TRPM8: variants seen among roughly 807,000 people sequenced by gnomAD.
The protein encoded by TRPM8 is transient receptor potential cation channel subfamily M member 8.
TRPM8 carries 110 observed loss-of-function variants against 133.7 expected under a neutral mutation model. The ratio of observed to expected loss-of-function variants is 0.82; its 90% CI spans 0.70 to 0.96. The LOEUF is 0.96. Among genes scored for constraint, TRPM8 ranks in the 40% least tolerant of loss-of-function variants. The pLI, the probability that TRPM8 is intolerant of heterozygous loss-of-function variation, is 0.00. For synonymous variants in TRPM8, 535 were observed against 532.3 expected (o/e 1.01, Z -0.07); for missense variants, 1,291 against 1,379.5 (o/e 0.94, Z 1.02).
intron 8 of TRPM8, among the ~76,000 whole-genome samples, chr2:233,948,814 C>T (rs28902477): frequency 2.6e-5 from 4 of 152,186 alleles, no homozygotes; most frequent in African/African-American, 9.7e-5. Context: ...GGGTGGATCA[C>T]CTGAGGTCAG....
intron 8 of TRPM8, among the ~76,000 whole-genome samples, chr2:233,948,312 G>A (rs1182366735): frequency 2.6e-5 from 4 of 152,300 alleles, no homozygotes; most frequent in Admixed American, 2.6e-4. Context: ...CATTAAAATA[G>A]AGATTTTTTT....
intron 1 of TRPM8, 131 bp from the exon 2 acceptor site, chr2:233,926,402 C>T (rs753665219): frequency 8.1e-5 from 57 of 700,152 alleles, no homozygotes; most frequent in Non-Finnish European, 8.7e-5. Context: ...CATGGTGGGC[C>T]GAATGGAGCA....
chr2:233,983,918 T>G (rs1040631153), intron 20 of TRPM8, among the ~76,000 whole-genome samples: 2 of 152,160 alleles, frequency 1.3e-5, no homozygotes, highest in African/African-American at 4.8e-5. Context: ...CTCCTGGCCT[T>G]GTAAGTCTCT....
intron 20 of TRPM8, among the ~76,000 whole-genome samples, chr2:233,985,165 C>T (rs1692114998): frequency 6.6e-6 from 1 of 152,204 alleles, no homozygotes; most frequent in South Asian, 2.1e-4. Context: ...GTTTACAACC[C>T]CCACCACGGG....
intron 16 of TRPM8, 144 bp downstream of exon 16, chr2:233,969,951 C>T (rs2125222853): frequency 1.4e-6 from 1 of 712,350 alleles, no homozygotes. Flanking sequence ...GGTCTTGTTT[C>T]TCCCCTGACT....
chr2:233,950,560 G>A (rs1395161288), intron 9 of TRPM8, among the ~76,000 whole-genome samples: 2 of 152,198 alleles, frequency 1.3e-5, no homozygotes, highest in Non-Finnish European at 2.9e-5. Flanking sequence ...CATATGCTAA[G>A]TCTCAGAATA....
intron 12 of TRPM8, among the ~76,000 whole-genome samples, chr2:233,962,838 G>C (rs1691473179): frequency 6.6e-6 from 1 of 152,166 alleles, no homozygotes; most frequent in Non-Finnish European, 1.5e-5. Flanking sequence ...CTAATTGATA[G>C]GTTAGGCATC....
chr2:233,974,735 C>T (rs1467823098), intron 17 of TRPM8, among the ~76,000 whole-genome samples: 5 of 152,076 alleles, frequency 3.3e-5, no homozygotes, highest in East Asian at 1.9e-4. Flanking sequence ...AGAGGCACGG[C>T]ATCTGTAGGA....
chr2:233,987,666 C>T lies in TRPM8; in HGVS notation c.2939+1801C>T, dbSNP rs368114806. 1.8e-3 allele frequency among the ~76,000 whole-genome samples: 273 copies of T among 152,268 alleles called. 2 individuals carry two copies. The highest frequency in any genetic ancestry group is 6.8e-3 in the Middle Eastern group (2 of 294). ...AAAAGTGATGTTTCTAAAACATCAC[C>T]GATGTAGTTTGGCTGTGTCCCCACC... On this transcript the variant is annotated intron_variant, in intron 21 of 25. Transcript: ENST00000324695.
At chr2:233,970,065 G>A in intron 16 of TRPM8, 145 bp from the exon 17 acceptor site, 1 of 792,812 alleles carries the variant, frequency 1.3e-6, no homozygotes, top group South Asian at 1.6e-5. Context: ...TTTAATTGGG[G>A]TTGGTTCCAT....
In TRPM8 at chr2:233,966,246, TC is replaced by T. The variant is rs1177368429; in HGVS notation, c.1880-363del. On this transcript the variant is annotated intron_variant, in intron 14 of 25. Transcript: ENST00000324695. ...AAGGGCTGCTCTGATTACGGGGGGGTCGGGGGGCGGCGGTGGGGAGGTGCAG... is the reference window on the plus strand; with the variant it reads ...AAGGGCTGCTCTGATTACGGGGGGGTGGGGGGCGGCGGTGGGGAGGTGCAG... The T allele has an allele frequency of 4.7e-4, 48 of 102,536 alleles. 1 individual carries two copies. The highest frequency in any genetic ancestry group is 6.9e-4 in the Non-Finnish European group (34 of 49,372). The allele number at this position is 102,536 out of a possible 1,614,324, so 6.4% of individuals were successfully genotyped here.
rs180881341 is a variant in TRPM8, at chr2:234,007,014, G to A, written c.3230+62G>A. The stretch of plus-strand genomic sequence containing the variant: ...CTCTGTAGACATAAGCCCATAGAAC[G>A]TAGGCAGCTTATTTGAGCAAACTCA... On this transcript the variant is annotated intron_variant, in intron 23 of 25. Coordinates refer to ENST00000324695, the MANE Select transcript of TRPM8 (RefSeq NM_024080.5). 9.7e-4 allele frequency: 1,242 copies of A among 1,281,986 alleles called. 4 individuals are homozygous for A. Among genetic ancestry groups the A allele is most frequent in the Admixed American group, 1.4e-3 (75 of 54,358 alleles). 79.4% of individuals were successfully genotyped at this position (1,281,986 alleles called of 1,614,324 possible). A position where few individuals can be genotyped will look rare whatever the true frequency, so the allele number is the denominator to read the frequency against.
In TRPM8 at chr2:233,956,758, C is replaced by T. The variant is rs559121644; in HGVS notation, c.1362+1508C>T. Among the ~76,000 whole-genome samples, 4 of 152,204 alleles carry T rather than the reference C, an allele frequency of 2.6e-5. No homozygotes were observed. The East Asian group carries it at 7.7e-4, about 29-fold the overall frequency. The stretch of plus-strand genomic sequence containing the variant: ...TTATGAATTTTTAAATTATTCATTC[C>T]CTTAGCAAACATTATCTTGTGTGTG... On this transcript the variant is annotated intron_variant, in intron 11 of 25. Transcript: ENST00000324695.
intron 17 of TRPM8, 66 bp from the exon 18 acceptor site, chr2:233,980,121 TA>T: frequency 2.7e-6 from 3 of 1,110,916 alleles, no homozygotes; most frequent in African/African-American, 1.6e-5. Context: ...AGTGGACATT[TA>T]AAAATCTGGA....
chr2:233,933,596 G>C lies in TRPM8; in HGVS notation c.191+2855G>C, dbSNP rs150087713. 6.6e-5 allele frequency: 10 copies of C among 152,320 alleles called. No homozygotes were observed. The East Asian group carries it at 1.9e-3, about 29-fold the overall frequency. The allele number at this position is 152,320 out of a possible 1,614,324, so 9.4% of individuals were successfully genotyped here. On this transcript the variant is annotated intron_variant, in intron 3 of 25. Coordinates refer to ENST00000324695, the MANE Select transcript of TRPM8 (RefSeq NM_024080.5). Reference sequence around the variant, plus strand: ...ACCAGTTCATACAAATTGGTGCTTAGAGGGCTACCAGCCCATAGACCAGAG... The same window carrying C: ...ACCAGTTCATACAAATTGGTGCTTACAGGGCTACCAGCCCATAGACCAGAG...
intron 24 of TRPM8, among the ~76,000 whole-genome samples, chr2:234,010,932 TATTTA>T (rs1241336247): frequency 6.6e-6 from 1 of 152,252 alleles, no homozygotes; most frequent in African/African-American, 2.4e-5. Context: ...GTTGCCCTTT[TATTTA>T]ATTTATTGCT....
intron 1 of TRPM8, among the ~76,000 whole-genome samples, chr2:233,919,907 G>A (rs1405933063): frequency 6.6e-6 from 1 of 152,164 alleles, no homozygotes; most frequent in Non-Finnish European, 1.5e-5. Context: ...TTACCTGCAT[G>A]TGTTTTGAAA....
Position 233,940,533 on chromosome 2 carries a change from G to A in TRPM8, c.526+1358G>A, listed in dbSNP as rs184695756. 1.8e-4 allele frequency among the ~76,000 whole-genome samples: 28 copies of A among 152,250 alleles called. No homozygotes were observed. In the South Asian group the frequency reaches 5.4e-3, roughly 29 times the overall value. ...TGCTATGAATACAGCAGAACAAAAC[G>A]GACAAAAAGTCCCTGGGCTGGGGCG... is the stretch of plus-strand genomic sequence containing the variant. On this transcript the variant is annotated intron_variant, in intron 5 of 25. Coordinates refer to ENST00000324695, the MANE Select transcript of TRPM8 (RefSeq NM_024080.5).
intron 17 of TRPM8, among the ~76,000 whole-genome samples, chr2:233,975,142 T>C (rs1309755435): frequency 6.6e-6 from 1 of 152,052 alleles, no homozygotes; most frequent in Non-Finnish European, 1.5e-5. Context: ...TTGCGTGGCA[T>C]GGGAATGATT....
Sources: gnomAD v4.1 joint callset for allele counts (sites outside exome capture counted in the v4.1 genomes callset) on GRCh38, gnomAD v4.1.1 for gene constraint, MANE v1.5 for transcripts, NCBI Gene and HGNC (gene_info 2026-07-23, HGNC 2026-07-21) for gene names.